CLCA4: variants seen among roughly 807,000 people sequenced by gnomAD.
CLCA4 encodes the protein calcium-activated chloride channel regulator 4.
CLCA4 carries 69 observed loss-of-function variants against 78.9 expected under a neutral mutation model. That is an observed-to-expected ratio of 0.87 (90% CI 0.72 to 1.07). The LOEUF (loss-of-function observed/expected upper bound fraction) is 1.07, where lower values mean the gene tolerates loss of function less well. Ranked by LOEUF, CLCA4 falls within the 50% of genes least tolerant of loss-of-function variation. The pLI is 0.00. For missense variants in CLCA4, 1,133 were observed against 1,095.8 expected (o/e 1.03, Z -0.48); for synonymous variants, 362 against 375.8 (o/e 0.96, Z 0.42).
At chr1:86,563,987 A>G (rs1463376192) in intron 4 of CLCA4, among the ~76,000 whole-genome samples, 2 of 152,082 alleles carry the variant, frequency 1.3e-5, no homozygotes, top group Non-Finnish European at 2.9e-5. Flanking sequence ...CATATTTTAT[A>G]CCTCTCTACC....
At chr1:86,556,286 T>C (rs1649838781) in intron 1 of CLCA4, among the ~76,000 whole-genome samples, 1 of 152,218 alleles carries the variant, frequency 6.6e-6, no homozygotes, top group African/African-American at 2.4e-5. Flanking sequence ...GTGCCAGTTT[T>C]CAAAGAGAAT....
chr1:86,569,041 A>T (rs945351673), intron 7 of CLCA4, among the ~76,000 whole-genome samples: 12 of 152,090 alleles, frequency 7.9e-5, no homozygotes, highest in African/African-American at 2.9e-4. Flanking sequence ...ATTTATTCAA[A>T]ATATGAACAT....
At chr1:86,579,739 G>GA in intron 13 of CLCA4, 152 bp downstream of exon 13, 1 of 728,714 alleles carries the variant, frequency 1.4e-6, no homozygotes, top group Non-Finnish European at 2.2e-6. Flanking sequence ...TCAATCAAAT[G>GA]ACACATTTTA....
chr1:86,559,094 C>T (rs1431405617), intron 1 of CLCA4, among the ~76,000 whole-genome samples: 1 of 151,900 alleles, frequency 6.6e-6, no homozygotes, highest in African/African-American at 2.4e-5. Flanking sequence ...CTGTTGGCCT[C>T]CTAGCAGGTT....
intron 1 of CLCA4, among the ~76,000 whole-genome samples, chr1:86,548,170 T>A (rs530411159): frequency 1.4e-4 from 21 of 152,354 alleles, no homozygotes; most frequent in African/African-American, 4.6e-4. Context: ...ATTCTGGTTT[T>A]GATTTGCATT....
intron 7 of CLCA4, among the ~76,000 whole-genome samples, chr1:86,568,636 C>T (rs182825344): frequency 6.6e-5 from 10 of 151,942 alleles, no homozygotes; most frequent in Middle Eastern, 3.4e-3. Context: ...TCCATTCTCC[C>T]CTCTTGATGC....
chr1:86,565,734 C>T (rs1650163719), intron 5 of CLCA4, 68 bp from the exon 6 acceptor site: 1 of 961,986 alleles, frequency 1.0e-6, no homozygotes, highest in Non-Finnish European at 1.5e-6. Flanking sequence ...TTAAATTTTT[C>T]AGGTTTGTAG....
intron 12 of CLCA4, among the ~76,000 whole-genome samples, chr1:86,578,568 G>A: frequency 6.6e-6 from 1 of 151,936 alleles, no homozygotes. Context: ...TTGGTTTTCT[G>A]TTCCTGCATT....
chr1:86,574,624 T>C lies in CLCA4; in HGVS notation c.1552T>C (p.Phe518Leu), dbSNP rs1380038585. The change falls in exon 10 of 14, where the codon TTC becomes CTC. Residue 518 changes from phenylalanine to leucine, a missense_variant. Transcript: ENST00000370563. ...TGATAGTACAGTGGGAAAGGACACG[T>C]TCTTTCTCATCACATGGAACAGTCT... ...IIDSTVGKDTFFLITWNSLPP... is the reference protein window; with the variant it reads ...IIDSTVGKDTLFLITWNSLPP... The C allele has an allele frequency of 6.2e-7, 1 of 1,613,326 alleles. No individual in the cohort carries two copies. The highest frequency in any genetic ancestry group is 1.1e-5 in the South Asian group (1 of 91,066).
intron 1 of CLCA4, among the ~76,000 whole-genome samples, chr1:86,552,370 C>A (rs958989129): frequency 7.2e-5 from 11 of 152,210 alleles, no homozygotes; most frequent in Non-Finnish European, 1.2e-4. Context: ...GTAAGGACGT[C>A]AGGACCGGTC....
Position 86,567,648 on chromosome 1 carries a change from T to G in CLCA4, c.1179T>G (p.Phe393Leu). The G allele has an allele frequency of 6.2e-7, 1 of 1,607,914 alleles. No homozygotes were observed. The highest frequency in any genetic ancestry group is 8.5e-7 in the Non-Finnish European group (1 of 1,176,658). ...TSICSGIKYA[F>L]QVIGELHSQL... ...TCTGCTCTGGAATTAAATATGCATT[T>G]CAGGTGAAAATCGTACTGCAAATAT... Residue 393 changes from phenylalanine (F) to leucine (L), a missense_variant, in exon 7 of 14, where the codon TTT becomes TTG. Coordinates refer to ENST00000370563, the MANE Select transcript of CLCA4 (RefSeq NM_012128.4).
chr1:86,561,839 A>T (rs934097800), intron 3 of CLCA4, among the ~76,000 whole-genome samples: 1 of 152,126 alleles, frequency 6.6e-6, no homozygotes, highest in South Asian at 2.1e-4. Context: ...TCTTAGACAG[A>T]TCTTTCTTCC....
chr1:86,572,967 G>A, intron 9 of CLCA4: 1 of 457,754 alleles, frequency 2.2e-6, no homozygotes, highest in Non-Finnish European at 4.0e-6. Context: ...GTTAAGAAAT[G>A]ACATTACAAT....
intron 9 of CLCA4, 192 bp downstream of exon 9, chr1:86,572,912 T>A (rs1306643174): frequency 1.7e-6 from 1 of 590,224 alleles, no homozygotes; most frequent in African/African-American, 1.9e-5. Context: ...AAATAAATGG[T>A]GAAACAGCAG....
chr1:86,564,976 A>G (rs989208048), intron 4 of CLCA4, among the ~76,000 whole-genome samples: 5 of 152,094 alleles, frequency 3.3e-5, no homozygotes, highest in Non-Finnish European at 7.4e-5. Flanking sequence ...ATTTACCACC[A>G]AAAGTCCAGC....
chr1:86,572,807 T>C, intron 9 of CLCA4, 87 bp downstream of exon 9: 1 of 798,118 alleles, frequency 1.3e-6, no homozygotes, highest in Non-Finnish European at 2.2e-6. Flanking sequence ...AGTTCCATAT[T>C]TTTCTCAAAG....
chr1:86,579,765 T>C (rs1201718576), intron 13 of CLCA4, among the ~76,000 whole-genome samples, 177 bp from the exon 14 acceptor site: 1 of 152,048 alleles, frequency 6.6e-6, no homozygotes, highest in African/African-American at 2.4e-5. Flanking sequence ...GTCCTACTTT[T>C]CATACAAAGA....
intron 9 of CLCA4, among the ~76,000 whole-genome samples, chr1:86,573,615 A>G (rs996218337): frequency 6.6e-5 from 10 of 152,044 alleles, no homozygotes; most frequent in Non-Finnish European, 2.9e-5. Context: ...GAGTATGTAC[A>G]GATTTGTTTG....
intron 1 of CLCA4, among the ~76,000 whole-genome samples, chr1:86,556,336 G>A (rs1649842567): frequency 1.3e-5 from 2 of 152,066 alleles, no homozygotes; most frequent in Non-Finnish European, 1.5e-5. Context: ...GTTGGCTATG[G>A]GTTTGTCATA....
Sources: allele counts gnomAD v4.1 joint callset (sites outside exome capture counted in the v4.1 genomes callset), GRCh38; gene constraint gnomAD v4.1.1; transcripts MANE v1.5; gene names NCBI Gene and HGNC (gene_info 2026-07-23, HGNC 2026-07-21).